Variants in CEP112 observed in about 807,000 individuals in gnomAD.
The protein encoded by CEP112 is centrosomal protein of 112 kDa.
A neutral mutation model predicts 153.0 loss-of-function variants in CEP112; 127 were observed. The ratio of observed to expected loss-of-function variants is 0.83; its 90% CI spans 0.72 to 0.96. CEP112 has a LOEUF of 0.96. CEP112 is among the 40% of genes least tolerant of loss of function. The probability of loss-of-function intolerance (pLI) is 0.00; values close to 1 mark genes in which losing one functional copy is unlikely to be tolerated. For synonymous variants in CEP112, 358 were observed against 374.4 expected (o/e 0.96, Z 0.51); for missense variants, 1,089 against 1,101.2 (o/e 0.99, Z 0.16).
At chr17:66,001,107 T>G (rs2064025995) in intron 17 of CEP112, among the ~76,000 whole-genome samples, 1 of 152,204 alleles carries the variant, frequency 6.6e-6, no homozygotes, top group African/African-American at 2.4e-5. Flanking sequence ...GGATCCAATC[T>G]GCTCCCAAAT....
chr17:65,941,212 T>C (rs1453191812), intron 18 of CEP112, among the ~76,000 whole-genome samples: 2 of 152,054 alleles, frequency 1.3e-5, no homozygotes, highest in African/African-American at 4.8e-5. Context: ...TCTTTTACTT[T>C]GGGCAAGTTG....
rs545993670 is a variant in CEP112, at chr17:66,010,981, T to C, written c.1657-5212A>G. On this transcript the variant is annotated intron_variant, in intron 16 of 26. Coordinates refer to ENST00000535342, the MANE Select transcript of CEP112 (RefSeq NM_001199165.4). ...TATGATGCTAACCTCACAGGATGAG[T>C]TAAGGAGGAGTCCCTCCTCCTCAAT... Among the ~76,000 whole-genome samples, 4 of 152,136 alleles carry C rather than the reference T, an allele frequency of 2.6e-5. No homozygotes were observed. In the South Asian group the frequency reaches 8.3e-4, roughly 32 times the overall value.
At chr17:66,078,242 T>C (rs112736577) in intron 8 of CEP112, among the ~76,000 whole-genome samples, 2,195 of 60,262 alleles carry the variant, frequency 0.036, 50 homozygotes, top group African/African-American at 0.084. Context: ...GTATCTTTTT[T>C]TTTTCTTTTC....
At chr17:65,961,750 A>G in intron 17 of CEP112, 152 bp from the exon 18 acceptor site, 1 of 688,254 alleles carries the variant, frequency 1.5e-6, no homozygotes, top group Non-Finnish European at 2.3e-6. Context: ...TTGACAATAA[A>G]CTAATTTGTC....
intron 4 of CEP112, among the ~76,000 whole-genome samples, chr17:66,137,721 A>ATCTG (rs2070500045): frequency 6.6e-6 from 1 of 152,162 alleles, no homozygotes; most frequent in African/African-American, 2.4e-5. Flanking sequence ...TACCATGCAA[A>ATCTG]TCTGTCCTTT....
At chr17:66,178,584 G>A (rs552725503) in intron 2 of CEP112, among the ~76,000 whole-genome samples, 1 of 152,104 alleles carries the variant, frequency 6.6e-6, no homozygotes, top group African/African-American at 2.4e-5. Flanking sequence ...GTCCATTGTC[G>A]CTTTGGTTGC....
intron 19 of CEP112, among the ~76,000 whole-genome samples, chr17:65,903,695 A>G (rs2059958562): frequency 6.6e-6 from 1 of 152,202 alleles, no homozygotes; most frequent in Non-Finnish European, 1.5e-5. Context: ...CCTGATGAAC[A>G]TCGATGCAAA....
At chr17:65,935,611 G>C (rs538114269) in intron 18 of CEP112, among the ~76,000 whole-genome samples, 7 of 151,920 alleles carry the variant, frequency 4.6e-5, no homozygotes, top group African/African-American at 1.7e-4. Context: ...CAATTAACAG[G>C]AGAAACCTTG....
intron 25 of CEP112, 37 bp from the exon 26 acceptor site, chr17:65,637,225 G>C (rs971150933): frequency 7.1e-7 from 1 of 1,409,948 alleles, no homozygotes; most frequent in African/African-American, 1.4e-5. Flanking sequence ...AGGTGGACGT[G>C]GCTTACATGT....
intron 17 of CEP112, among the ~76,000 whole-genome samples, chr17:65,972,127 T>G (rs868407715): frequency 6.6e-4 from 101 of 152,306 alleles, no homozygotes; most frequent in African/African-American, 2.4e-3. Context: ...ACATGGAACA[T>G]TATCAACATA....
chr17:65,673,458 G>A (rs1215066683), intron 24 of CEP112, among the ~76,000 whole-genome samples: 1 of 152,050 alleles, frequency 6.6e-6, no homozygotes, highest in Non-Finnish European at 1.5e-5. Flanking sequence ...CTTTTTTAAG[G>A]TTACTTATTA....
At chr17:66,169,802 T>C (rs2072167874) in intron 4 of CEP112, among the ~76,000 whole-genome samples, 1 of 152,242 alleles carries the variant, frequency 6.6e-6, no homozygotes, top group Non-Finnish European at 1.5e-5. Context: ...TAGTCATCTA[T>C]TGCTTTATAA....
intron 23 of CEP112, among the ~76,000 whole-genome samples, chr17:65,734,676 G>A (rs1177193646): frequency 6.6e-6 from 1 of 152,148 alleles, no homozygotes; most frequent in Admixed American, 6.5e-5. Context: ...ATATGCTTCT[G>A]CTTTCAATCT....
At chr17:66,035,117 A>C (rs1020992219) in intron 12 of CEP112, among the ~76,000 whole-genome samples, 6 of 150,504 alleles carry the variant, frequency 4.0e-5, no homozygotes, top group African/African-American at 1.2e-4. Context: ...TAGGATTACA[A>C]GCGTGTGCCA....
chr17:65,788,176 C>T (rs1011647202), intron 21 of CEP112, among the ~76,000 whole-genome samples: 1 of 152,100 alleles, frequency 6.6e-6, no homozygotes, highest in African/African-American at 2.4e-5. Flanking sequence ...CATGGTTTTT[C>T]TCCTTTCAGT....
At chr17:66,111,402 C>T (rs943966732) in intron 6 of CEP112, among the ~76,000 whole-genome samples, 9 of 152,068 alleles carry the variant, frequency 5.9e-5, no homozygotes, top group African/African-American at 1.7e-4. Flanking sequence ...GAGACACACG[C>T]GAATGTTCAT....
chr17:65,981,185 C>T (rs892541114), intron 17 of CEP112, among the ~76,000 whole-genome samples: 36 of 152,252 alleles, frequency 2.4e-4, no homozygotes, highest in African/African-American at 8.4e-4. Flanking sequence ...GATCTTCTAA[C>T]TTCCTGGGTA....
chr17:65,721,422 T>TAATA (rs1350173208), intron 23 of CEP112, among the ~76,000 whole-genome samples: 1 of 152,186 alleles, frequency 6.6e-6, no homozygotes, highest in Non-Finnish European at 1.5e-5. Flanking sequence ...GGGCTCCAGG[T>TAATA]AATACTTCAT....
intron 23 of CEP112, among the ~76,000 whole-genome samples, chr17:65,728,735 A>G (rs1386367351): frequency 6.6e-6 from 1 of 152,176 alleles, no homozygotes; most frequent in African/African-American, 2.4e-5. Flanking sequence ...ATACAGTATA[A>G]AAGATACAAA....
Sources: allele counts gnomAD v4.1 joint callset (sites outside exome capture counted in the v4.1 genomes callset), GRCh38; gene constraint gnomAD v4.1.1; transcripts MANE v1.5; gene names NCBI Gene and HGNC (gene_info 2026-07-23, HGNC 2026-07-21).